The following SCFD2 variants were observed in gnomAD, a reference collection of about 807,000 sequenced individuals.
SCFD2 encodes sec1 family domain containing 2, also known as sec1 family domain-containing protein 2.
In SCFD2, 54 loss-of-function variants were observed where a neutral mutation model predicts 58.9. That is an observed-to-expected ratio of 0.92 (90% CI 0.74 to 1.15). The LOEUF is 1.15. SCFD2 is among the 50% of genes most tolerant of loss of function. SCFD2 has a pLI of 0.00. For synonymous variants in SCFD2, 321 were observed against 335.9 expected (o/e 0.96, Z 0.49); for missense variants, 805 against 836.6 (o/e 0.96, Z 0.47).
At chr4:52,942,953 A>T (rs1191880623) in intron 5 of SCFD2, among the ~76,000 whole-genome samples, 1 of 152,190 alleles carries the variant, frequency 6.6e-6, no homozygotes, top group Non-Finnish European at 1.5e-5. Context: ...AGCAAAAAAA[A>T]AAAAAGTCAT....
intron 5 of SCFD2, among the ~76,000 whole-genome samples, chr4:53,073,170 T>A (rs1172019356): frequency 2.0e-5 from 3 of 152,120 alleles, no homozygotes; most frequent in African/African-American, 7.2e-5. Context: ...AGGTTACATA[T>A]AATACCTAAT....
chr4:53,121,494 G>C (rs553064136), intron 5 of SCFD2, among the ~76,000 whole-genome samples: 2 of 152,310 alleles, frequency 1.3e-5, no homozygotes, highest in East Asian at 3.9e-4. Context: ...GAACAGCTAG[G>C]GCTTGCTGGT....
intron 5 of SCFD2, among the ~76,000 whole-genome samples, chr4:53,098,215 A>G (rs982215127): frequency 5.3e-5 from 8 of 152,174 alleles, no homozygotes; most frequent in Non-Finnish European, 8.8e-5. Flanking sequence ...TGGTATCAGG[A>G]TGATGCTGGC....
intron 3 of SCFD2, among the ~76,000 whole-genome samples, chr4:53,276,934 C>T (rs1460935829): frequency 6.6e-6 from 1 of 152,066 alleles, no homozygotes; most frequent in Non-Finnish European, 1.5e-5. Context: ...TGTTAACCAC[C>T]TTTTCATGTG....
At chr4:53,204,823 T>C (rs1247300153) in intron 4 of SCFD2, among the ~76,000 whole-genome samples, 2 of 151,000 alleles carry the variant, frequency 1.3e-5, no homozygotes, top group African/African-American at 2.4e-5. Flanking sequence ...ATGTATTACA[T>C]ATATTACAAA....
chr4:53,126,384 C>T (rs1725629682), intron 5 of SCFD2, among the ~76,000 whole-genome samples: 1 of 152,152 alleles, frequency 6.6e-6, no homozygotes, highest in Admixed American at 6.5e-5. Context: ...GGCGTGATCT[C>T]GGCTCACTGC....
intron 1 of SCFD2, among the ~76,000 whole-genome samples, chr4:53,364,733 G>A (rs201621740): frequency 2.9e-5 from 1 of 35,042 alleles, no homozygotes; most frequent in Non-Finnish European, 1.4e-4. Flanking sequence ...CAACAAACCA[G>A]AGTCTTCTTA....
intron 5 of SCFD2, among the ~76,000 whole-genome samples, chr4:53,107,567 G>A (rs1408540515): frequency 2.0e-5 from 3 of 152,070 alleles, no homozygotes; most frequent in African/African-American, 7.2e-5. Flanking sequence ...AAAAAGCAGG[G>A]GTTGTGATCC....
At chr4:53,299,457 A>C (rs906279682) in intron 3 of SCFD2, among the ~76,000 whole-genome samples, 9 of 152,206 alleles carry the variant, frequency 5.9e-5, no homozygotes, top group African/African-American at 2.2e-4. Context: ...AAAAGACCAA[A>C]TCTATATTTC....
At chr4:52,900,414 A>C (rs1440111941) in intron 7 of SCFD2, among the ~76,000 whole-genome samples, 1 of 152,070 alleles carries the variant, frequency 6.6e-6, no homozygotes, top group Non-Finnish European at 1.5e-5. Flanking sequence ...CTGGAGGTCC[A>C]CTGTTTGCCT....
At chr4:53,241,952 A>G (rs1235737053) in intron 4 of SCFD2, among the ~76,000 whole-genome samples, 1 of 152,238 alleles carries the variant, frequency 6.6e-6, no homozygotes, top group Non-Finnish European at 1.5e-5. Flanking sequence ...ACAAAGTCCT[A>G]TGCCCACCAG....
chr4:53,176,417 T>C (rs1727330589), intron 4 of SCFD2, among the ~76,000 whole-genome samples: 1 of 152,176 alleles, frequency 6.6e-6, no homozygotes, highest in Non-Finnish European at 1.5e-5. Flanking sequence ...ACTGCTGAGA[T>C]ACCTTGGGGA....
At chr4:53,329,592 T>C (rs1332529710) in intron 2 of SCFD2, among the ~76,000 whole-genome samples, 6 of 151,938 alleles carry the variant, frequency 3.9e-5, no homozygotes, top group Admixed American at 2.6e-4. Flanking sequence ...AAAACCCATC[T>C]GTACATCACC....
At chr4:53,178,677 GC>G (rs1727431075) in intron 4 of SCFD2, among the ~76,000 whole-genome samples, 1 of 152,192 alleles carries the variant, frequency 6.6e-6, no homozygotes, top group Admixed American at 6.5e-5. Context: ...GAGAGAAGAA[GC>G]CTTCAGACTA....
At chr4:53,219,657 G>T (rs6832823) in intron 4 of SCFD2, among the ~76,000 whole-genome samples, 15 of 152,086 alleles carry the variant, frequency 9.9e-5, no homozygotes, top group East Asian at 1.9e-4. Context: ...CCCCACTGTC[G>T]GACAAGCCCC....
intron 5 of SCFD2, among the ~76,000 whole-genome samples, chr4:53,108,440 T>A (rs1185799426): frequency 3.3e-5 from 5 of 151,786 alleles, no homozygotes; most frequent in Non-Finnish European, 7.4e-5. Context: ...GTGCTTTTTT[T>A]AAAAGATTAA....
At chr4:52,990,285 G>A (rs746943473) in intron 5 of SCFD2, among the ~76,000 whole-genome samples, 1 of 152,112 alleles carries the variant, frequency 6.6e-6, no homozygotes, top group African/African-American at 2.4e-5. Flanking sequence ...AATATATAAG[G>A]CTCTGAATGA....
chr4:53,365,298 T>C lies in SCFD2; in HGVS notation c.644A>G (p.Gln215Arg). ...STTLTPELLL[Q>R]IRCLVSGLSS... Reference sequence around the variant, plus strand: ...GAGGCCTGACACTAGGCATCTGATCTGCAGCAGCAGCTCTGGGGTTAGCGT... The same window carrying C: ...GAGGCCTGACACTAGGCATCTGATCCGCAGCAGCAGCTCTGGGGTTAGCGT... Residue 215 changes from glutamine to arginine, a missense_variant, in exon 1 of 9, where the codon CAG becomes CGG. Gln to Arg is a conservative substitution (Grantham distance 43). Around this residue, in one of 3 missense-constraint regions of SCFD2, gnomAD observed 633 missense variants for 646.8 expected, o/e 0.98. Transcript: ENST00000401642. The surrounding 1 kb of genome is among the most constrained non-coding windows in gnomAD (Gnocchi z 4.3). 1.2e-6 allele frequency: 2 copies of C among 1,614,214 alleles called. No homozygotes were observed. The highest frequency in any genetic ancestry group is 2.2e-5 in the South Asian group (2 of 91,078).
chr4:53,072,299 C>T (rs1723838344), intron 5 of SCFD2, among the ~76,000 whole-genome samples: 1 of 152,116 alleles, frequency 6.6e-6, no homozygotes, highest in Non-Finnish European at 1.5e-5. Flanking sequence ...ATAAAAGAGT[C>T]CTCAGCAGAA....
Sources: allele counts gnomAD v4.1 joint callset (sites outside exome capture counted in the v4.1 genomes callset), GRCh38; gene constraint gnomAD v4.1.1; regional missense constraint gnomAD v4.1.1; non-coding constraint Gnocchi (gnomAD v3.1); transcripts MANE v1.5; gene names NCBI Gene and HGNC (gene_info 2026-07-23, HGNC 2026-07-21).